LAMA2: variants seen among roughly 807,000 people sequenced by gnomAD.
LAMA2 encodes laminin subunit alpha 2, also known as laminin subunit alpha-2.
A neutral mutation model predicts 364.8 loss-of-function variants in LAMA2; 269 were observed. That is an observed-to-expected ratio of 0.74 (90% CI 0.67 to 0.82). The LOEUF is 0.82. LAMA2 is among the 40% of genes least tolerant of loss of function. The pLI, the probability that LAMA2 is intolerant of heterozygous loss-of-function variation, is 0.00. For synonymous variants in LAMA2, 1,379 were observed against 1,370.6 expected (o/e 1.01, Z -0.14); for missense variants, 3,807 against 3,873.2 (o/e 0.98, Z 0.45).
chr6:129,352,767 C>T (rs1456333479), intron 31 of LAMA2, among the ~76,000 whole-genome samples: 1 of 152,118 alleles, frequency 6.6e-6, no homozygotes, highest in East Asian at 1.9e-4. Flanking sequence ...ACTGTTGTTA[C>T]AGGTCAGCAT....
At chr6:129,430,275 G>A (rs545642536) in intron 41 of LAMA2, among the ~76,000 whole-genome samples, 1 of 152,238 alleles carries the variant, frequency 6.6e-6, no homozygotes, top group South Asian at 2.1e-4. Flanking sequence ...CCTGGAGTTA[G>A]AAGGAATAAA....
Position 129,464,382 on chromosome 6 carries a change from C to G in LAMA2, c.7085C>G (p.Ser2362Cys). The G allele has an allele frequency of 6.2e-7, 1 of 1,612,096 alleles. No individual in the cohort carries two copies. Among genetic ancestry groups the G allele is most frequent in the Non-Finnish European group, 8.5e-7 (1 of 1,178,544 alleles). ...SRPIRWYPNI[S>C]TVMFKFRTFS... Reference sequence around the variant, plus strand: ...CCCATTCGCTGGTACCCCAACATCTCCACTGTCATGTTCAAGTTCAGAACA... The same window carrying G: ...CCCATTCGCTGGTACCCCAACATCTGCACTGTCATGTTCAAGTTCAGAACA... Residue 2362 changes from serine (S) to cysteine (C), a missense_variant, in exon 50 of 65, where the codon TCC becomes TGC. Physicochemically the swap from Ser to Cys is moderately radical, Grantham distance 112. Coordinates refer to ENST00000421865, the MANE Select transcript of LAMA2 (RefSeq NM_000426.4).
intron 4 of LAMA2, among the ~76,000 whole-genome samples, chr6:129,134,332 C>T (rs528492954): frequency 6.6e-6 from 1 of 152,204 alleles, no homozygotes; most frequent in Non-Finnish European, 1.5e-5. Flanking sequence ...GTAGAATTTA[C>T]CATAAAGCAT....
chr6:129,377,043 A>G (rs1778411563), intron 34 of LAMA2, among the ~76,000 whole-genome samples: 1 of 152,156 alleles, frequency 6.6e-6, no homozygotes. Context: ...ATAAACATTT[A>G]TTTTGCACTC....
chr6:129,255,127 G>A lies in LAMA2; in HGVS notation c.2096+2832G>A, dbSNP rs182811595. ...TCAGAAGATTAAAAAACAGCCTGGG[G>A]CCGGGCACGGTGGCTCATGCCTGTA... On this transcript the variant is annotated intron_variant, in intron 14 of 64. Coordinates refer to ENST00000421865, the MANE Select transcript of LAMA2 (RefSeq NM_000426.4). 3.3e-5 allele frequency among the ~76,000 whole-genome samples: 5 copies of A among 152,000 alleles called. No homozygotes were observed. The East Asian group carries it at 9.7e-4, about 30-fold the overall frequency.
intron 12 of LAMA2, among the ~76,000 whole-genome samples, chr6:129,223,584 A>G (rs1784031461): frequency 1.3e-5 from 2 of 152,174 alleles, no homozygotes; most frequent in East Asian, 1.9e-4. Flanking sequence ...TCCCAGCACC[A>G]TTTATTAAAT....
intron 1 of LAMA2, among the ~76,000 whole-genome samples, chr6:128,992,243 CA>C (rs1347323054): frequency 4.6e-5 from 7 of 152,206 alleles, no homozygotes; most frequent in Non-Finnish European, 1.0e-4. Flanking sequence ...ATCAACTTCA[CA>C]ATGTGGTTTC....
At chr6:129,458,228 A>T (rs1184476589) in intron 48 of LAMA2, among the ~76,000 whole-genome samples, 2 of 152,226 alleles carry the variant, frequency 1.3e-5, no homozygotes, top group East Asian at 3.9e-4. Context: ...ATAGTGAGAC[A>T]CACACTACCA....
In LAMA2 at chr6:129,391,710, A is replaced by G. The variant is rs566504141; in HGVS notation, c.5234+57A>G. 10 of 1,499,612 alleles carry G rather than the reference A, an allele frequency of 6.7e-6. No homozygotes were observed. In the South Asian group the frequency reaches 1.0e-4, roughly 15 times the overall value. 92.9% of individuals were successfully genotyped at this position (1,499,612 alleles called of 1,614,324 possible). ...ACAAACTGAGATTTCCAGATAATTT[A>G]CAGTTTTCTAAATTTTTATCACACG... On this transcript the variant is annotated intron_variant, in intron 36 of 64. Coordinates refer to ENST00000421865, the MANE Select transcript of LAMA2 (RefSeq NM_000426.4).
At chr6:129,073,286 T>C (rs1263766038) in intron 3 of LAMA2, among the ~76,000 whole-genome samples, 4 of 152,164 alleles carry the variant, frequency 2.6e-5, no homozygotes, top group Admixed American at 6.5e-5. Context: ...TTTCACTCCA[T>C]TGAAGGCTAT....
intron 51 of LAMA2, among the ~76,000 whole-genome samples, chr6:129,467,215 G>A (rs1449474209): frequency 6.6e-6 from 1 of 151,832 alleles, no homozygotes; most frequent in Non-Finnish European, 1.5e-5. Context: ...AACAGGAATG[G>A]ACCTGGAGGT....
intron 1 of LAMA2, among the ~76,000 whole-genome samples, chr6:128,949,688 T>C (rs1051795134): frequency 2.0e-5 from 3 of 152,254 alleles, no homozygotes; most frequent in Middle Eastern, 6.8e-3. Context: ...AAAAAACAGA[T>C]ACATTCAGTG....
At chr6:128,928,973 T>C in intron 1 of LAMA2, 2 of 1,090,354 alleles carry the variant, frequency 1.8e-6, no homozygotes, top group South Asian at 1.2e-5. Context: ...GGGAAGCTAC[T>C]CATTCCAGCT....
At chr6:129,163,964 G>A (rs537640207) in intron 8 of LAMA2, among the ~76,000 whole-genome samples, 3 of 152,074 alleles carry the variant, frequency 2.0e-5, no homozygotes, top group South Asian at 2.1e-4. Context: ...CAGAACTTAC[G>A]TTGACTTCCT....
chr6:129,250,549 T>G (rs190413131), intron 13 of LAMA2, among the ~76,000 whole-genome samples: 41 of 152,278 alleles, frequency 2.7e-4, no homozygotes, highest in Admixed American at 2.2e-3. Flanking sequence ...TTCTCTTGCT[T>G]CCAGATAGAT....
At chr6:129,048,604 TTCTCTCTCTC>T (rs59707849) in intron 1 of LAMA2, among the ~76,000 whole-genome samples, 12 of 133,146 alleles carry the variant, frequency 9.0e-5, no homozygotes, top group Middle Eastern at 3.4e-3. Flanking sequence ...CTTCCTTCCT[TTCTCTCTCTC>T]TCTCTCTCTC....
At chr6:129,077,420 A>G (rs1263670987) in intron 3 of LAMA2, among the ~76,000 whole-genome samples, 1 of 152,226 alleles carries the variant, frequency 6.6e-6, no homozygotes, top group Non-Finnish European at 1.5e-5. Flanking sequence ...AAGCTAATTC[A>G]TAAATTAATG....
chr6:128,911,432 A>C (rs185614843), intron 1 of LAMA2, among the ~76,000 whole-genome samples: 16 of 152,248 alleles, frequency 1.1e-4, no homozygotes, highest in South Asian at 6.2e-4. Context: ...TTCTTTGACT[A>C]GGAAAGGGAA....
At chr6:129,135,759 G>A (rs937630807) in intron 4 of LAMA2, among the ~76,000 whole-genome samples, 1 of 152,144 alleles carries the variant, frequency 6.6e-6, no homozygotes, top group Admixed American at 6.5e-5. Flanking sequence ...TCCTAGCTGT[G>A]TATTCCTATA....
Sources: gnomAD v4.1 joint callset for allele counts (sites outside exome capture counted in the v4.1 genomes callset) on GRCh38, gnomAD v4.1.1 for gene constraint, MANE v1.5 for transcripts, NCBI Gene and HGNC (gene_info 2026-07-23, HGNC 2026-07-21) for gene names.